Variants in NUBPL observed in about 807,000 individuals in gnomAD.
The protein encoded by NUBPL is iron-sulfur cluster transfer protein NUBPL.
A neutral mutation model predicts 45.7 loss-of-function variants in NUBPL; 31 were observed. The ratio of observed to expected loss-of-function variants is 0.68; its 90% CI spans 0.51 to 0.92. The LOEUF is 0.92. Among genes scored for constraint, NUBPL ranks in the 40% least tolerant of loss-of-function variants. NUBPL has a pLI of 0.00. For missense variants in NUBPL, 401 were observed against 398.7 expected (o/e 1.01, Z -0.05); for synonymous variants, 144 against 140.9 (o/e 1.02, Z -0.15).
At chr14:31,605,868 C>G (rs1337293353) in intron 4 of NUBPL, among the ~76,000 whole-genome samples, 1 of 144,050 alleles carries the variant, frequency 6.9e-6, no homozygotes, top group African/African-American at 2.6e-5. Context: ...TTCCTTGTCT[C>G]CTCCCTTCTT....
At chr14:31,585,231 A>G (rs188119609) in intron 3 of NUBPL, among the ~76,000 whole-genome samples, 1 of 151,794 alleles carries the variant, frequency 6.6e-6, no homozygotes, top group Non-Finnish European at 1.5e-5. Flanking sequence ...GCGATAGTTG[A>G]TGAACTTAAA....
chr14:31,753,223 T>A (rs1170843617), intron 6 of NUBPL, among the ~76,000 whole-genome samples: 3 of 152,146 alleles, frequency 2.0e-5, no homozygotes, highest in Non-Finnish European at 2.9e-5. Flanking sequence ...GTACATGTAG[T>A]GTCCAGTGGC....
intron 8 of NUBPL, among the ~76,000 whole-genome samples, chr14:31,833,284 G>A (rs1008480043): frequency 2.0e-4 from 30 of 152,004 alleles, no homozygotes; most frequent in African/African-American, 7.0e-4. Context: ...TGGGAGGATC[G>A]CTTGAGCCTG....
intron 4 of NUBPL, among the ~76,000 whole-genome samples, chr14:31,651,438 T>C (rs1595438140): frequency 1.3e-5 from 1 of 77,934 alleles, no homozygotes; most frequent in Non-Finnish European, 3.6e-5. Context: ...ATGAATCACA[T>C]TTTTTTTAAG....
chr14:31,621,252 G>C lies in NUBPL; in HGVS notation c.382+21873G>C, dbSNP rs562284862. Among the ~76,000 whole-genome samples the C allele has an allele frequency of 9.9e-4, 150 of 152,284 alleles. 1 individual carries two copies. Among genetic ancestry groups the C allele is most frequent in the Non-Finnish European group, 1.5e-3 (105 of 68,032 alleles). ...TGGGACTTGCCGAGCCAGACCACTT[G>C]GCTTCCTGGCTTCAGCCCCCTTTCC... On this transcript the variant is annotated intron_variant, in intron 4 of 10. Transcript: ENST00000281081.
At position 31,860,462 on chromosome 14, in the gene NUBPL, T is replaced by C. The variant is rs1269075804; in HGVS notation, c.*1282T>C. 6.6e-6 allele frequency: 1 copy of C among 152,192 alleles called. No individual in the cohort carries two copies. The highest frequency in any genetic ancestry group is 2.4e-5 in the African/African-American group (1 of 41,446). 9.4% of individuals were successfully genotyped at this position (152,192 alleles called of 1,614,324 possible). ...CATTTTGAAAAACATTTATCTTGTCTAATTGAAGCTCAAAGAGATAGAGTC... is the reference window on the plus strand; with the variant it reads ...CATTTTGAAAAACATTTATCTTGTCCAATTGAAGCTCAAAGAGATAGAGTC... On this transcript the variant is annotated 3_prime_UTR_variant, in exon 11 of 11. Transcript: ENST00000281081.
intron 7 of NUBPL, among the ~76,000 whole-genome samples, chr14:31,801,875 A>G (rs1460948417): frequency 1.3e-5 from 2 of 152,126 alleles, no homozygotes; most frequent in Non-Finnish European, 2.9e-5. Context: ...TCCTGTTTTG[A>G]TTTCTTATCT....
intron 6 of NUBPL, among the ~76,000 whole-genome samples, chr14:31,675,356 C>T (rs1259181524): frequency 6.6e-6 from 1 of 152,096 alleles, no homozygotes; most frequent in Non-Finnish European, 1.5e-5. Flanking sequence ...TATTTTAGGC[C>T]TACACTGGGA....
Position 31,599,120 on chromosome 14 carries a change from T to G in NUBPL, c.292-169T>G, listed in dbSNP as rs1555315658. The G allele has an allele frequency of 6.5e-5, 43 of 656,946 alleles. No individual in the cohort carries two copies. The South Asian group carries it at 7.2e-4, about 11-fold the overall frequency. 40.7% of individuals were successfully genotyped at this position (656,946 alleles called of 1,614,324 possible). On this transcript the variant is annotated intron_variant, in intron 3 of 10. Coordinates refer to ENST00000281081, the MANE Select transcript of NUBPL (RefSeq NM_025152.3). ...TGACCCTAAGCAATTTATGCTCTTTTACTTAACTGTTGCTTTGGAAGTTTA... is the reference window on the plus strand; with the variant it reads ...TGACCCTAAGCAATTTATGCTCTTTGACTTAACTGTTGCTTTGGAAGTTTA...
chr14:31,638,633 C>T (rs1254956683), intron 4 of NUBPL, among the ~76,000 whole-genome samples: 3 of 152,088 alleles, frequency 2.0e-5, no homozygotes, highest in African/African-American at 7.2e-5. Flanking sequence ...TGAATGTTGG[C>T]CTGCCTTGCT....
intron 7 of NUBPL, among the ~76,000 whole-genome samples, chr14:31,788,413 C>G (rs1190879526): frequency 6.6e-6 from 1 of 152,120 alleles, no homozygotes; most frequent in Non-Finnish European, 1.5e-5. Context: ...GGCTAGTTTC[C>G]CACTTCTGCT....
intron 4 of NUBPL, among the ~76,000 whole-genome samples, chr14:31,623,807 T>G (rs1025301433): frequency 1.3e-5 from 2 of 152,194 alleles, no homozygotes; most frequent in Non-Finnish European, 1.5e-5. Flanking sequence ...AGTTGCACAA[T>G]GTAAGCTTTT....
chr14:31,627,781 A>AAT (rs1426187148), intron 4 of NUBPL, among the ~76,000 whole-genome samples: 3 of 151,700 alleles, frequency 2.0e-5, no homozygotes, highest in Admixed American at 1.3e-4. Flanking sequence ...AAAAAAAAAA[A>AAT]AATTATTGAG....
At chr14:31,765,782 A>T (rs1252326942) in intron 6 of NUBPL, among the ~76,000 whole-genome samples, 4 of 152,214 alleles carry the variant, frequency 2.6e-5, no homozygotes, top group African/African-American at 9.6e-5. Flanking sequence ...AAGATTACTA[A>T]AGTCATGTGA....
intron 6 of NUBPL, among the ~76,000 whole-genome samples, chr14:31,732,836 T>A (rs985327288): frequency 3.3e-5 from 5 of 152,228 alleles, no homozygotes; most frequent in African/African-American, 9.6e-5. Flanking sequence ...GGTCTCGAAC[T>A]CCTGACCTCA....
In NUBPL at chr14:31,599,441, G is replaced by A. The variant is rs971902299; in HGVS notation, c.382+62G>A. The A allele has an allele frequency of 1.3e-5, 15 of 1,135,356 alleles. No homozygotes were observed. The East Asian group carries it at 3.4e-4, about 25-fold the overall frequency. The allele number at this position is 1,135,356 out of a possible 1,614,324, so 70.3% of individuals were successfully genotyped here. A position where few individuals can be genotyped will look rare whatever the true frequency, so the allele number is the denominator to read the frequency against. Reference sequence around the variant, plus strand: ...GCACTTTTATTAATACTTACTGGGTGTCAGACATTATGCTAGATGCAATGT... The same window carrying A: ...GCACTTTTATTAATACTTACTGGGTATCAGACATTATGCTAGATGCAATGT... On this transcript the variant is annotated intron_variant, in intron 4 of 10. Coordinates refer to ENST00000281081, the MANE Select transcript of NUBPL (RefSeq NM_025152.3).
chr14:31,733,169 G>A (rs1047823187), intron 6 of NUBPL, among the ~76,000 whole-genome samples: 1 of 152,076 alleles, frequency 6.6e-6, no homozygotes, highest in Non-Finnish European at 1.5e-5. Flanking sequence ...GAAAAAAAAT[G>A]TTTATATATA....
chr14:31,846,533 T>C lies in NUBPL; in HGVS notation c.756T>C (p.His252=). The stretch of plus-strand genomic sequence containing the variant: ...GTCCAAAATGTAAACACAAAACTCA[T>C]ATTTTTGGTGCTGATGGTGCAAGGA... ...FQCPKCKHKT[H]IFGADGARKL... The change falls in exon 9 of 11, where the codon CAT becomes CAC. Residue 252 remains histidine (H), a synonymous_variant. Transcript: ENST00000281081. 1 of 1,613,514 alleles carries C rather than the reference T, an allele frequency of 6.2e-7. No homozygotes were observed. Among genetic ancestry groups the C allele is most frequent in the Non-Finnish European group, 8.5e-7 (1 of 1,179,742 alleles).
intron 6 of NUBPL, among the ~76,000 whole-genome samples, chr14:31,761,904 A>T (rs2038818557): frequency 6.6e-6 from 1 of 152,204 alleles, no homozygotes. Context: ...GTGTACATGT[A>T]TGTACATGAG....
Sources: allele counts gnomAD v4.1 joint callset (sites outside exome capture counted in the v4.1 genomes callset), GRCh38; gene constraint gnomAD v4.1.1; transcripts MANE v1.5; gene names NCBI Gene and HGNC (gene_info 2026-07-23, HGNC 2026-07-21).